TEC: variants seen among roughly 807,000 people sequenced by gnomAD.
TEC encodes the protein tec protein tyrosine kinase, also known as tyrosine-protein kinase Tec.
Under a neutral mutation model 93.0 loss-of-function variants are expected in TEC, and 72 were observed. The ratio of observed to expected loss-of-function variants is 0.77; its 90% CI spans 0.64 to 0.94. The LOEUF (loss-of-function observed/expected upper bound fraction) is 0.94, where lower values mean the gene tolerates loss of function less well. Ranked by LOEUF, TEC falls within the 40% of genes least tolerant of loss-of-function variation. The pLI, the probability that TEC is intolerant of heterozygous loss-of-function variation, is 0.00. For missense variants in TEC, 630 were observed against 757.9 expected (o/e 0.83, Z 1.98); for synonymous variants, 249 against 247.7 (o/e 1.01, Z -0.05).
chr4:48,178,261 A>G (rs940977566), intron 2 of TEC, among the ~76,000 whole-genome samples: 6 of 151,762 alleles, frequency 4.0e-5, no homozygotes, highest in African/African-American at 1.5e-4. Flanking sequence ...GCCTCGGTGG[A>G]CTCACTCCCT....
chr4:48,224,684 G>A (rs1342143617), intron 2 of TEC, among the ~76,000 whole-genome samples: 1 of 152,212 alleles, frequency 6.6e-6, no homozygotes, highest in East Asian at 1.9e-4. Context: ...AGGACCCACA[G>A]CGGAAACTGA....
chr4:48,252,986 C>A (rs1406544259), intron 1 of TEC, among the ~76,000 whole-genome samples: 1 of 152,180 alleles, frequency 6.6e-6, no homozygotes. Flanking sequence ...TCCTTGTATG[C>A]ATTTCTCAGG....
intron 9 of TEC, among the ~76,000 whole-genome samples, chr4:48,152,734 C>A (rs777076645): frequency 1.3e-5 from 2 of 152,114 alleles, no homozygotes; most frequent in African/African-American, 2.4e-5. Flanking sequence ...ATCTGCCTCT[C>A]ACTGTAGGGT....
chr4:48,198,881 CA>C (rs1453157669), intron 2 of TEC, among the ~76,000 whole-genome samples: 16 of 152,276 alleles, frequency 1.1e-4, no homozygotes, highest in Non-Finnish European at 2.1e-4. Context: ...TTTCACTGTG[CA>C]AAATGTATAT....
intron 2 of TEC, 33 bp from the exon 3 acceptor site, chr4:48,176,219 T>C (rs1721318903): frequency 2.0e-6 from 3 of 1,508,040 alleles, no homozygotes; most frequent in Admixed American, 1.8e-5. Flanking sequence ...AACATTAGAA[T>C]CATAAGACAT....
Position 48,213,155 on chromosome 4 carries a change from T to C in TEC, c.138+15322A>G, listed in dbSNP as rs1509658. 2.4e-3 allele frequency among the ~76,000 whole-genome samples: 366 copies of C among 152,312 alleles called. 10 individuals are homozygous for C. The East Asian group carries it at 0.059, about 25-fold the overall frequency. Reference sequence around the variant, plus strand: ...CCTATGTGATTGCTTGGAATAAAGATAGAATAAGAAACATGTCATCTAACT... The same window carrying C: ...CCTATGTGATTGCTTGGAATAAAGACAGAATAAGAAACATGTCATCTAACT... On this transcript the variant is annotated intron_variant, in intron 2 of 17. Transcript: ENST00000381501.
Position 48,206,512 on chromosome 4 carries a change from T to C in TEC, c.138+21965A>G, listed in dbSNP as rs1177055080. ...CAAAATGTAGAAATAGGTATTTCGATAGAGACTAAATGTCAATGGACAGTG... is the reference window on the plus strand; with the variant it reads ...CAAAATGTAGAAATAGGTATTTCGACAGAGACTAAATGTCAATGGACAGTG... On this transcript the variant is annotated intron_variant, in intron 2 of 17. Transcript: ENST00000381501. Among the ~76,000 whole-genome samples the C allele has an allele frequency of 5.9e-5, 9 of 152,158 alleles. No individual in the cohort carries two copies. The South Asian group carries it at 6.2e-4, about 10-fold the overall frequency.
intron 7 of TEC, among the ~76,000 whole-genome samples, chr4:48,165,467 A>T (rs1476290114): frequency 6.6e-6 from 1 of 152,178 alleles, no homozygotes; most frequent in Non-Finnish European, 1.5e-5. Context: ...TGAAATAATG[A>T]CTCTAAGAAA....
Position 48,136,653 on chromosome 4 carries a change from T to C in TEC, c.*763A>G, listed in dbSNP as rs189542800. The C allele has an allele frequency of 9.9e-5, 15 of 152,116 alleles. No individual in the cohort carries two copies. Among genetic ancestry groups the C allele is most frequent in the African/African-American group, 3.6e-4 (15 of 41,414 alleles). 9.4% of individuals were successfully genotyped at this position (152,116 alleles called of 1,614,324 possible). A position where few individuals can be genotyped will look rare whatever the true frequency, so the allele number is the denominator to read the frequency against. ...ATTTACCTGAGTGAGGAGGGGGCGT[T>C]ACTCATAGAAGAATCTAGACTTTCT... On this transcript the variant is annotated 3_prime_UTR_variant, in exon 18 of 18. Transcript: ENST00000381501.
At chr4:48,231,563 T>C (rs1723644411) in intron 1 of TEC, among the ~76,000 whole-genome samples, 1 of 152,086 alleles carries the variant, frequency 6.6e-6, no homozygotes, top group African/African-American at 2.4e-5. Context: ...AAGATCATCC[T>C]GGCTAACACG....
At chr4:48,254,969 A>T (rs1174114472) in intron 1 of TEC, among the ~76,000 whole-genome samples, 1 of 152,230 alleles carries the variant, frequency 6.6e-6, no homozygotes, top group Non-Finnish European at 1.5e-5. Context: ...CGAAGGCCAA[A>T]AAAGTAGTGG....
intron 11 of TEC, among the ~76,000 whole-genome samples, chr4:48,149,270 G>A (rs571077233): frequency 3.9e-5 from 6 of 152,236 alleles, no homozygotes; most frequent in Middle Eastern, 3.4e-3. Context: ...CACAATGGCG[G>A]AACTAATTTA....
At chr4:48,202,275 A>G (rs1722550854) in intron 2 of TEC, among the ~76,000 whole-genome samples, 1 of 152,192 alleles carries the variant, frequency 6.6e-6, no homozygotes, top group African/African-American at 2.4e-5. Flanking sequence ...CAAAAAGAAT[A>G]GATTTTTAGG....
intron 2 of TEC, among the ~76,000 whole-genome samples, chr4:48,226,321 C>T (rs927623577): frequency 6.6e-6 from 1 of 152,108 alleles, no homozygotes; most frequent in Non-Finnish European, 1.5e-5. Flanking sequence ...GCTTGAACTG[C>T]ATGGGTCCAT....
intron 1 of TEC, among the ~76,000 whole-genome samples, chr4:48,242,974 T>C (rs761552637): frequency 1.3e-5 from 2 of 152,208 alleles, no homozygotes; most frequent in Non-Finnish European, 2.9e-5. Context: ...AATGTTGTCT[T>C]TAGCCCCCAA....
At chr4:48,246,550 A>G (rs1184399490) in intron 1 of TEC, among the ~76,000 whole-genome samples, 2 of 152,214 alleles carry the variant, frequency 1.3e-5, no homozygotes, top group African/African-American at 4.8e-5. Flanking sequence ...AAAACTGTGT[A>G]GTACTCCATA....
intron 2 of TEC, among the ~76,000 whole-genome samples, chr4:48,179,709 G>C (rs1220553599): frequency 6.6e-6 from 1 of 151,946 alleles, no homozygotes; most frequent in African/African-American, 2.4e-5. Flanking sequence ...AGAGCACAGA[G>C]AACAATGGCT....
chr4:48,217,004 C>A (rs967465334), intron 2 of TEC, among the ~76,000 whole-genome samples: 2 of 152,122 alleles, frequency 1.3e-5, no homozygotes, highest in Admixed American at 1.3e-4. Flanking sequence ...AGTAATTACC[C>A]CATAAAAAGC....
chr4:48,245,596 C>A (rs978963617), intron 1 of TEC, among the ~76,000 whole-genome samples: 6 of 152,188 alleles, frequency 3.9e-5, no homozygotes, highest in African/African-American at 1.4e-4. Flanking sequence ...ATCTTCATAG[C>A]ATTACTATTA....
Sources: allele counts gnomAD v4.1 joint callset (sites outside exome capture counted in the v4.1 genomes callset), GRCh38; gene constraint gnomAD v4.1.1; transcripts MANE v1.5; gene names NCBI Gene and HGNC (gene_info 2026-07-23, HGNC 2026-07-21).